STK33: variants seen among roughly 807,000 people sequenced by gnomAD.
STK33 encodes the protein serine/threonine kinase 33, also known as serine/threonine-protein kinase 33.
STK33 carries 52 observed loss-of-function variants against 58.0 expected under a neutral mutation model. The ratio of observed to expected loss-of-function variants is 0.90; its 90% CI spans 0.72 to 1.13. The LOEUF (loss-of-function observed/expected upper bound fraction) is 1.13. Ranked by LOEUF, STK33 falls within the 50% of genes most tolerant of loss-of-function variation. The pLI, the probability that STK33 is intolerant of heterozygous loss-of-function variation, is 0.00. For synonymous variants in STK33, 215 were observed against 200.1 expected (o/e 1.07, Z -0.63); for missense variants, 630 against 604.2 (o/e 1.04, Z -0.45).
At chr11:8,335,234 C>T in the STK33 span, among the ~76,000 whole-genome samples, 28 of 152,324 alleles carry the variant, frequency 1.8e-4, no homozygotes, top group Non-Finnish European at 3.7e-4. Flanking sequence ...TAGCGGGGTC[C>T]CCAGGCCCTT....
At chr11:8,438,377 G>A (rs1050046573) in intron 12 of STK33, among the ~76,000 whole-genome samples, 2 of 152,184 alleles carry the variant, frequency 1.3e-5, no homozygotes, top group African/African-American at 4.8e-5. Flanking sequence ...ATTTACTTAT[G>A]CTAACTTCAC....
intron 1 of STK33, among the ~76,000 whole-genome samples, chr11:8,484,364 C>G (rs1021816210): frequency 6.6e-6 from 1 of 152,198 alleles, no homozygotes; most frequent in East Asian, 1.9e-4. Context: ...ATTATTTTAG[C>G]AGTCATAATC....
chr11:8,523,522 C>A (rs1372918961), intron 1 of STK33, among the ~76,000 whole-genome samples: 1 of 151,284 alleles, frequency 6.6e-6, no homozygotes, highest in East Asian at 2.0e-4. Flanking sequence ...CGCTGGGCAG[C>A]CGCCCCGTCT....
At chr11:8,434,306 A>G in intron 14 of STK33, 1 of 186,538 alleles carries the variant, frequency 5.4e-6, no homozygotes, top group South Asian at 8.9e-5. Flanking sequence ...AAATGTAATT[A>G]TATCATGTAT....
Position 8,464,757 on chromosome 11 carries a change from G to A in STK33, c.405C>T (p.Asp135=). The change falls in exon 7 of 16, where the codon GAC becomes GAT. Residue 135 remains aspartate (D), a synonymous_variant. Coordinates refer to ENST00000687296, the MANE Select transcript of STK33 (RefSeq NM_001352389.2). ...GSFGIVIEAT[D]KETETKWAIK... ...TTGCCCACTTCGTTTCTGTTTCCTT[G>A]TCTGTCGCTTCAATGACTATTCCAA... 1 of 1,611,174 alleles carries A rather than the reference G, an allele frequency of 6.2e-7. No homozygotes were observed. The highest frequency in any genetic ancestry group is 8.5e-7 in the Non-Finnish European group (1 of 1,179,110).
At chr11:8,387,657 G>GA (rs1848562449), downstream of STK33, among the ~76,000 whole-genome samples, 1 of 152,204 alleles carries the variant, frequency 6.6e-6, no homozygotes, top group Non-Finnish European at 1.5e-5. Context: ...ATAGCTCAAA[G>GA]TCCAGCTTGC....
At chr11:8,411,156 T>G (rs922875583) in intron 15 of STK33, among the ~76,000 whole-genome samples, 1 of 152,206 alleles carries the variant, frequency 6.6e-6, no homozygotes, top group Non-Finnish European at 1.5e-5. Context: ...GACTTTGTCT[T>G]AGAGAATTCA....
chr11:8,420,727 T>C (rs1177872265), intron 14 of STK33, among the ~76,000 whole-genome samples: 1 of 152,192 alleles, frequency 6.6e-6, no homozygotes, highest in Non-Finnish European at 1.5e-5. Context: ...CCAGGTGAGG[T>C]GGTTCAAGCT....
intron 15 of STK33, among the ~76,000 whole-genome samples, chr11:8,407,640 G>A (rs886633983): frequency 3.3e-5 from 5 of 151,600 alleles, no homozygotes; most frequent in African/African-American, 1.2e-4. Context: ...CAGTAAGCCT[G>A]AAGATAGATC....
intron 1 of STK33, among the ~76,000 whole-genome samples, chr11:8,493,598 G>A (rs1950816943): frequency 6.6e-6 from 1 of 152,164 alleles, no homozygotes; most frequent in South Asian, 2.1e-4. Context: ...CTCATTTTAT[G>A]AGGCCAGCAT....
At chr11:8,349,909 G>A in the STK33 span, among the ~76,000 whole-genome samples, 47 of 152,248 alleles carry the variant, frequency 3.1e-4, no homozygotes, top group East Asian at 7.7e-4. Context: ...AATCATGTGC[G>A]TCCTCATCTC....
chr11:8,405,423 A>G (rs1938947309), intron 15 of STK33, among the ~76,000 whole-genome samples: 1 of 152,146 alleles, frequency 6.6e-6, no homozygotes, highest in Admixed American at 6.5e-5. Flanking sequence ...CTATTTTAAA[A>G]CATGGATTGC....
At chr11:8,377,343 A>G in the STK33 span, among the ~76,000 whole-genome samples, 28 of 152,252 alleles carry the variant, frequency 1.8e-4, no homozygotes, top group African/African-American at 6.0e-4. Context: ...AATGGGATAT[A>G]TCATATAAAC....
chr11:8,568,459 T>A (rs1261515475), intron 1 of STK33, among the ~76,000 whole-genome samples: 1 of 152,176 alleles, frequency 6.6e-6, no homozygotes, highest in Admixed American at 6.5e-5. Flanking sequence ...TACCACAGTA[T>A]GGTCAGACAA....
intron 1 of STK33, among the ~76,000 whole-genome samples, chr11:8,511,892 T>A (rs1437044518): frequency 6.6e-6 from 1 of 152,186 alleles, no homozygotes; most frequent in Non-Finnish European, 1.5e-5. Flanking sequence ...TTGTTGAAGA[T>A]TTTTGCATCT....
intron 15 of STK33, among the ~76,000 whole-genome samples, chr11:8,405,918 G>A (rs914668800): frequency 2.0e-5 from 3 of 152,008 alleles, no homozygotes; most frequent in South Asian, 4.2e-4. Context: ...CGAGGTGGGC[G>A]GATCACGAGG....
the STK33 span, among the ~76,000 whole-genome samples, chr11:8,346,294 C>T: frequency 6.6e-6 from 1 of 152,186 alleles, no homozygotes; most frequent in Non-Finnish European, 1.5e-5. Context: ...ACCGTGAGCC[C>T]CAGGTGACCC....
At chr11:8,343,242 G>A in the STK33 span, among the ~76,000 whole-genome samples, 1 of 152,240 alleles carries the variant, frequency 6.6e-6, no homozygotes, top group African/African-American at 2.4e-5. Context: ...CTGTGCCCTG[G>A]GGCAGGAAGC....
At chr11:8,421,251 A>C (rs924233074) in intron 14 of STK33, among the ~76,000 whole-genome samples, 1 of 152,186 alleles carries the variant, frequency 6.6e-6, no homozygotes, top group Non-Finnish European at 1.5e-5. Context: ...CTATATTTCC[A>C]CTTAGAGTTT....
Sources: gnomAD v4.1 joint callset for allele counts (sites outside exome capture counted in the v4.1 genomes callset) on GRCh38, gnomAD v4.1.1 for gene constraint, MANE v1.5 for transcripts, NCBI Gene and HGNC (gene_info 2026-07-23, HGNC 2026-07-21) for gene names.